ELFN1: variants seen among roughly 807,000 people sequenced by gnomAD.
ELFN1 encodes protein ELFN1.
In ELFN1, 6 loss-of-function variants were observed where a neutral mutation model predicts 7.6. The observed-to-expected ratio is 0.79, with a 90% CI of 0.43 to 1.56. The LOEUF is 1.56. Ranked by LOEUF, ELFN1 falls within the 40% of genes most tolerant of loss-of-function variation. ELFN1 has a pLI of 0.01. For synonymous variants in ELFN1, 657 were observed against 588.1 expected, an observed-to-expected ratio of 1.12 and a Z score of -1.70; for missense variants, 1,169 against 1,232.2, an observed-to-expected ratio of 0.95 and a Z score of 0.77.
intron 3 of ELFN1, among the ~76,000 whole-genome samples, chr7:1,711,575 TGAGAGAGAGAGAGAGAGAGAGAGAGAGA>T (rs55658122): frequency 1.1e-5 from 1 of 87,544 alleles, no homozygotes; most frequent in Non-Finnish European, 2.2e-5. Flanking sequence ...AGCGAGAGAG[TGAGAGAGAGAGAGAGAGAGAGAGAGAGA>T]GAGAGAGAGA....
upstream of ELFN1, among the ~76,000 whole-genome samples, chr7:1,668,253 A>T (rs1778701408): frequency 6.6e-6 from 1 of 152,068 alleles, no homozygotes; most frequent in Non-Finnish European, 1.5e-5. Flanking sequence ...CTCAGTTTGC[A>T]CCCCGAGGAA....
intron 2 of ELFN1, among the ~76,000 whole-genome samples, chr7:1,691,745 G>T (rs575170786): frequency 1.3e-5 from 2 of 152,324 alleles, no homozygotes; most frequent in East Asian, 3.9e-4. Context: ...TGGCCTCCCT[G>T]TGCAGCTGTC....
chr7:1,667,415 A>T (rs1251713154), upstream of ELFN1, among the ~76,000 whole-genome samples: 1 of 151,530 alleles, frequency 6.6e-6, no homozygotes, highest in Non-Finnish European at 1.5e-5. The surrounding 1 kb of genome is among the most constrained non-coding windows in gnomAD (Gnocchi z 8.2). Context: ...GGCAGGGGGG[A>T]CCCGCGAAGC....
At chr7:1,715,007 G>C (rs1779786485) in intron 3 of ELFN1, among the ~76,000 whole-genome samples, 1 of 152,148 alleles carries the variant, frequency 6.6e-6, no homozygotes, top group Non-Finnish European at 1.5e-5. Flanking sequence ...CATCGTATCT[G>C]CATCCCAGGC....
At chr7:1,684,745 A>G (rs1779035073) in intron 1 of ELFN1, among the ~76,000 whole-genome samples, 1 of 152,150 alleles carries the variant, frequency 6.6e-6, no homozygotes, top group Middle Eastern at 3.4e-3. Context: ...ACATAGCTCA[A>G]TTTTCTTCTC....
intron 3 of ELFN1, among the ~76,000 whole-genome samples, chr7:1,710,323 G>C (rs1045428877): frequency 2.6e-5 from 4 of 152,160 alleles, no homozygotes; most frequent in African/African-American, 7.2e-5. Flanking sequence ...TTTTCTGCTC[G>C]TGGTCAGATG....
chr7:1,738,660 A>G (rs184857082), intron 3 of ELFN1: 10 of 152,038 alleles, frequency 6.6e-5, no homozygotes, highest in Admixed American at 3.9e-4. Context: ...CCCTGGGAGG[A>G]GTGGTCTTTA....
At chr7:1,733,440 G>A (rs1411998649) in intron 3 of ELFN1, among the ~76,000 whole-genome samples, 1 of 152,120 alleles carries the variant, frequency 6.6e-6, no homozygotes, top group Non-Finnish European at 1.5e-5. Context: ...GGAGCCCTGG[G>A]CGGTAGGACA....
chr7:1,708,842 A>G (rs114704720), intron 2 of ELFN1, among the ~76,000 whole-genome samples: 4,090 of 152,206 alleles, frequency 0.027, 177 homozygotes, highest in African/African-American at 0.092. Flanking sequence ...TTCAGTTCAT[A>G]TCTTGCATCT....
intron 1 of ELFN1, among the ~76,000 whole-genome samples, chr7:1,674,082 C>T (rs58844189): frequency 0.013 from 1,936 of 151,442 alleles, 40 homozygotes; most frequent in African/African-American, 0.045. Flanking sequence ...CTCCCTGCTC[C>T]GGGCCGTGAG....
At chr7:1,743,836 C>T (rs1016870011) in intron 3 of ELFN1, among the ~76,000 whole-genome samples, 3 of 152,142 alleles carry the variant, frequency 2.0e-5, no homozygotes, top group Non-Finnish European at 4.4e-5. Context: ...AGGGCCTTCA[C>T]ACGCACATCC....
rs1369414144 is a variant in ELFN1 at position 1,705,191 on chromosome 7, G to GGGTGCAC, written c.-455-3896_-455-3895insCACGGTG. 7.2e-5 allele frequency among the ~76,000 whole-genome samples: 11 copies of GGGTGCAC among 152,190 alleles called. No individual in the cohort carries two copies. The highest frequency in any genetic ancestry group is 1.0e-4 in the Non-Finnish European group (7 of 68,020). ...AAGGGGTGGGCAGCATGGAGGTGCA[G>GGGTGCAC]GGTGGCAGGGACCCTGGGCGGGGCG... On this transcript the variant is annotated intron_variant, in intron 2 of 3. Transcript: ENST00000424383. This position sits in a 1 kb window ranked among gnomAD's most constrained non-coding sequence, Gnocchi z 4.3.
At chr7:1,694,553 C>T (rs938796952) in intron 2 of ELFN1, among the ~76,000 whole-genome samples, 5 of 152,156 alleles carry the variant, frequency 3.3e-5, no homozygotes, top group Non-Finnish European at 5.9e-5. Flanking sequence ...ACTCAATAGG[C>T]CGGAGCTTAT....
intron 2 of ELFN1, chr7:1,694,072 C>G (rs1311889191): frequency 1.8e-5 from 5 of 280,036 alleles, no homozygotes; most frequent in African/African-American, 1.1e-4. Context: ...AGTCTGTGGT[C>G]CTGGTCTCAC....
intron 1 of ELFN1, among the ~76,000 whole-genome samples, chr7:1,685,774 G>A (rs1027438368): frequency 2.2e-4 from 32 of 148,210 alleles, no homozygotes; most frequent in East Asian, 1.9e-3. Context: ...TATATAAACC[G>A]TTGAAAGATT....
At position 1,729,636 on chromosome 7, in the gene ELFN1, G is replaced by C. The variant is rs1780283986; in HGVS notation, c.-293-14668G>C. 2.6e-5 allele frequency among the ~76,000 whole-genome samples: 4 copies of C among 152,336 alleles called. No homozygotes were observed. The South Asian group carries it at 8.3e-4, about 32-fold the overall frequency. On this transcript the variant is annotated intron_variant, in intron 3 of 3. Coordinates refer to ENST00000424383, the MANE Select transcript of ELFN1 (RefSeq NM_001128636.4). ...GTTAAGGCTGTCTCAGGCCAGCCCA[G>C]ATTCAGGCGTGCTGAGCTAGACCCT...
chr7:1,703,681 G>A (rs1779473183), intron 2 of ELFN1, among the ~76,000 whole-genome samples: 1 of 152,150 alleles, frequency 6.6e-6, no homozygotes, highest in African/African-American at 2.4e-5. Flanking sequence ...AAGGAAGCAG[G>A]GAGGTGGCAT....
intron 3 of ELFN1, among the ~76,000 whole-genome samples, chr7:1,730,302 T>C (rs977273835): frequency 6.6e-6 from 1 of 152,186 alleles, no homozygotes; most frequent in Non-Finnish European, 1.5e-5. Context: ...GCCAGGGGCT[T>C]CCAGCAGCAA....
chr7:1,728,583 C>G (rs531028479), intron 3 of ELFN1, among the ~76,000 whole-genome samples: 3 of 152,346 alleles, frequency 2.0e-5, no homozygotes, highest in Non-Finnish European at 2.9e-5. Flanking sequence ...GCTCAGACCC[C>G]CCACCTTTCC....
Sources: allele counts gnomAD v4.1 joint callset (sites outside exome capture counted in the v4.1 genomes callset), GRCh38; gene constraint gnomAD v4.1.1; non-coding constraint Gnocchi (gnomAD v3.1); transcripts MANE v1.5; gene names NCBI Gene and HGNC (gene_info 2026-07-23, HGNC 2026-07-21).